PDE7B: variants seen among roughly 807,000 people sequenced by gnomAD.
PDE7B encodes phosphodiesterase 7B.
Under a neutral mutation model 56.2 loss-of-function variants are expected in PDE7B, and 29 were observed. The observed-to-expected ratio is 0.52, with a 90% confidence interval of 0.38 to 0.70. The LOEUF is 0.70. PDE7B is among the 30% of genes least tolerant of loss of function. The probability of loss-of-function intolerance (pLI) is 0.00; values close to 1 mark genes in which losing one functional copy is unlikely to be tolerated. For synonymous variants in PDE7B, 197 were observed against 196.9 expected (o/e 1.00, Z 0.00); for missense variants, 490 against 565.0 (o/e 0.87, Z 1.35).
chr6:136,075,872 G>A (rs1475457413), intron 2 of PDE7B, among the ~76,000 whole-genome samples: 1 of 152,220 alleles, frequency 6.6e-6, no homozygotes, highest in Middle Eastern at 3.4e-3. Context: ...CTTTACCTAG[G>A]ATCTTGATTA....
At chr6:136,153,537 C>T (rs1334281128) in intron 6 of PDE7B, among the ~76,000 whole-genome samples, 5 of 152,102 alleles carry the variant, frequency 3.3e-5, no homozygotes, top group Non-Finnish European at 2.9e-5. Flanking sequence ...AGAAATAAAT[C>T]CAAGAAGTCC....
intron 2 of PDE7B, among the ~76,000 whole-genome samples, chr6:135,984,085 A>AT (rs1489174472): frequency 6.6e-6 from 1 of 152,198 alleles, no homozygotes; most frequent in African/African-American, 2.4e-5. Flanking sequence ...CAATTCTTTC[A>AT]TCCACCTATT....
chr6:136,115,732 G>T (rs927609636), intron 3 of PDE7B, among the ~76,000 whole-genome samples: 1 of 152,160 alleles, frequency 6.6e-6, no homozygotes, highest in African/African-American at 2.4e-5. Context: ...TCAACAAACA[G>T]CACCTACTCT....
chr6:136,124,827 T>C (rs1201686683), intron 3 of PDE7B, among the ~76,000 whole-genome samples: 1 of 152,204 alleles, frequency 6.6e-6, no homozygotes, highest in Non-Finnish European at 1.5e-5. Flanking sequence ...AAATTATATA[T>C]AACATGCTGA....
intron 2 of PDE7B, among the ~76,000 whole-genome samples, chr6:136,069,015 T>G (rs577292412): frequency 4.4e-4 from 67 of 152,300 alleles, no homozygotes; most frequent in African/African-American, 1.5e-3. Context: ...TCAGTGCTGG[T>G]CACCTGTGCC....
At chr6:136,060,743 C>A (rs1175512830) in intron 2 of PDE7B, among the ~76,000 whole-genome samples, 1 of 152,320 alleles carries the variant, frequency 6.6e-6, no homozygotes, top group East Asian at 1.9e-4. Flanking sequence ...TGTACAGTAT[C>A]TGCCACTGTC....
intron 1 of PDE7B, among the ~76,000 whole-genome samples, chr6:135,879,226 CAA>C (rs1775559385): frequency 6.6e-6 from 1 of 152,022 alleles, no homozygotes; most frequent in Non-Finnish European, 1.5e-5. Flanking sequence ...TTTATTGCTT[CAA>C]AGAGTATCAT....
At chr6:135,873,916 A>G (rs1775439202) in intron 1 of PDE7B, among the ~76,000 whole-genome samples, 1 of 152,218 alleles carries the variant, frequency 6.6e-6, no homozygotes, top group South Asian at 2.1e-4. Context: ...GGGAACTACT[A>G]AGCTAGATGT....
At chr6:136,145,997 T>C (rs1481827739) in intron 3 of PDE7B, among the ~76,000 whole-genome samples, 1 of 152,210 alleles carries the variant, frequency 6.6e-6, no homozygotes, top group African/African-American at 2.4e-5. Context: ...TGTGTAAAAC[T>C]GAACCACTCC....
intron 2 of PDE7B, among the ~76,000 whole-genome samples, chr6:136,051,297 C>T (rs892043567): frequency 6.6e-6 from 1 of 152,118 alleles, no homozygotes; most frequent in Admixed American, 6.5e-5. Flanking sequence ...GAAAAGATCA[C>T]AAGAAAAGCT....
At chr6:136,181,751 C>T (rs1328346524) in intron 11 of PDE7B, among the ~76,000 whole-genome samples, 1 of 142,138 alleles carries the variant, frequency 7.0e-6, no homozygotes, top group African/African-American at 3.1e-5. Flanking sequence ...ATTCCTTCTC[C>T]TTGCTTTCTT....
intron 1 of PDE7B, among the ~76,000 whole-genome samples, chr6:135,915,689 CTA>C (rs1274543720): frequency 1.3e-5 from 2 of 152,186 alleles, no homozygotes; most frequent in Non-Finnish European, 2.9e-5. Context: ...GGAAATCGCT[CTA>C]TGCTCTGTCC....
chr6:136,084,092 G>T (rs1408469504), intron 2 of PDE7B, among the ~76,000 whole-genome samples: 2 of 151,882 alleles, frequency 1.3e-5, no homozygotes, highest in Non-Finnish European at 2.9e-5. Context: ...CTACCAACTG[G>T]GACATTGTGT....
intron 8 of PDE7B, among the ~76,000 whole-genome samples, chr6:136,158,266 G>T (rs1472147233): frequency 6.6e-6 from 1 of 151,802 alleles, no homozygotes; most frequent in Non-Finnish European, 1.5e-5. Flanking sequence ...CTAGGGAGAG[G>T]GTCTATAAGT....
intron 2 of PDE7B, among the ~76,000 whole-genome samples, chr6:136,012,025 T>G (rs543090239): frequency 6.6e-6 from 1 of 152,280 alleles, no homozygotes; most frequent in Non-Finnish European, 1.5e-5. Context: ...GGCAATGTAA[T>G]TACAAGTGAA....
chr6:136,053,582 G>A (rs1276181618), intron 2 of PDE7B, among the ~76,000 whole-genome samples: 1 of 152,136 alleles, frequency 6.6e-6, no homozygotes, highest in Admixed American at 6.5e-5. Context: ...CCAATAATGG[G>A]ATGTCTGGGT....
chr6:136,184,188 T>C (rs1779111204), intron 11 of PDE7B, among the ~76,000 whole-genome samples: 1 of 152,218 alleles, frequency 6.6e-6, no homozygotes. Flanking sequence ...CTCAAAGTAC[T>C]AATTAGTATA....
chr6:135,968,573 T>C (rs188715815), intron 2 of PDE7B, among the ~76,000 whole-genome samples: 7 of 152,236 alleles, frequency 4.6e-5, no homozygotes, highest in African/African-American at 1.7e-4. Flanking sequence ...ATTATAGTAA[T>C]GCAAATCAAA....
At chr6:136,121,455 G>T (rs1777932210) in intron 3 of PDE7B, among the ~76,000 whole-genome samples, 1 of 152,068 alleles carries the variant, frequency 6.6e-6, no homozygotes, top group Non-Finnish European at 1.5e-5. Context: ...GAAAAGACCA[G>T]AAAGCTAAAA....
Sources: gnomAD v4.1 joint callset for allele counts (sites outside exome capture counted in the v4.1 genomes callset) on GRCh38, gnomAD v4.1.1 for gene constraint, MANE v1.5 for transcripts, NCBI Gene and HGNC (gene_info 2026-07-23, HGNC 2026-07-21) for gene names.